The following NRG3 variants were observed in gnomAD, a reference collection of about 807,000 sequenced individuals.
NRG3 encodes pro-neuregulin-3, membrane-bound isoform.
Under a neutral mutation model 66.9 loss-of-function variants are expected in NRG3, and 31 were observed. The observed-to-expected ratio is 0.46, with a 90% confidence interval of 0.35 to 0.63. The LOEUF (loss-of-function observed/expected upper bound fraction) is 0.63. Among genes scored for constraint, NRG3 ranks in the 20% least tolerant of loss-of-function variants. The pLI is 0.00. For synonymous variants in NRG3, 393 were observed against 359.4 expected (o/e 1.09, Z -1.06); for missense variants, 910 against 878.9 (o/e 1.04, Z -0.45).
At chr10:82,660,182 G>A (rs1312353777) in intron 2 of NRG3, among the ~76,000 whole-genome samples, 1 of 59,300 alleles carries the variant, frequency 1.7e-5, no homozygotes, top group Non-Finnish European at 3.2e-5. Flanking sequence ...GGCGACAAGA[G>A]CAAAACTCCC....
chr10:82,502,626 C>G (rs1470071623), intron 2 of NRG3, among the ~76,000 whole-genome samples: 2 of 152,194 alleles, frequency 1.3e-5, no homozygotes, highest in Non-Finnish European at 2.9e-5. Flanking sequence ...CTGGAGTCTC[C>G]TGTCACCTAC....
At chr10:82,362,349 GTGTGTGTGTGTGTGT>G (rs1564839870) in intron 2 of NRG3, among the ~76,000 whole-genome samples, 1 of 121,360 alleles carries the variant, frequency 8.2e-6, no homozygotes, top group Non-Finnish European at 1.6e-5. Context: ...GTGTGTGTGT[GTGTGTGTGTGTGTGT>G]GTGTGTGTGT....
intron 1 of NRG3, among the ~76,000 whole-genome samples, chr10:81,882,568 T>C (rs1460585714): frequency 1.3e-5 from 2 of 152,172 alleles, no homozygotes; most frequent in East Asian, 1.9e-4. Context: ...TATAATGAGG[T>C]TGATGACAAT....
chr10:82,229,341 C>T (rs2076333142), intron 1 of NRG3, among the ~76,000 whole-genome samples: 2 of 152,058 alleles, frequency 1.3e-5, no homozygotes, highest in African/African-American at 2.4e-5. Flanking sequence ...AAGCAATAGA[C>T]ATTAACAAAA....
intron 1 of NRG3, among the ~76,000 whole-genome samples, chr10:82,154,949 G>A (rs559346718): frequency 6.6e-6 from 1 of 151,596 alleles, no homozygotes; most frequent in African/African-American, 2.4e-5. Flanking sequence ...ACAACTTTAG[G>A]TGAACACTTT....
chr10:82,544,347 C>A (rs2043749960), intron 2 of NRG3, among the ~76,000 whole-genome samples: 1 of 151,736 alleles, frequency 6.6e-6, no homozygotes, highest in Non-Finnish European at 1.5e-5. Context: ...TTTGTTTTTT[C>A]CCCTAAAAGT....
At chr10:82,466,973 G>A (rs1840746529) in intron 2 of NRG3, among the ~76,000 whole-genome samples, 2 of 152,116 alleles carry the variant, frequency 1.3e-5, no homozygotes, top group South Asian at 4.2e-4. Flanking sequence ...AAGGCGGGTG[G>A]ACAGGGATCC....
intron 1 of NRG3, among the ~76,000 whole-genome samples, chr10:82,184,847 A>G (rs1292966614): frequency 6.6e-6 from 1 of 152,158 alleles, no homozygotes; most frequent in Non-Finnish European, 1.5e-5. Context: ...GTCAAAATCA[A>G]CAAGGTCTGG....
In NRG3 at chr10:81,885,605, A is replaced by T. The variant is rs190537551; in HGVS notation, c.823+9442A>T. On this transcript the variant is annotated intron_variant, in intron 1 of 8. Coordinates refer to ENST00000372141, the MANE Select transcript of NRG3 (RefSeq NM_001010848.4). ...AAAATTCTCTTTTGGTTAAAGTAAA[A>T]GATAGTTGAGATTGTTACTTTTACA... is the stretch of plus-strand genomic sequence containing the variant. 2.0e-5 allele frequency among the ~76,000 whole-genome samples: 3 copies of T among 152,340 alleles called. No individual in the cohort carries two copies. The East Asian group carries it at 5.8e-4, about 29-fold the overall frequency.
At chr10:82,741,309 G>A (rs887908148) in intron 3 of NRG3, among the ~76,000 whole-genome samples, 2 of 152,126 alleles carry the variant, frequency 1.3e-5, no homozygotes, top group African/African-American at 4.8e-5. Flanking sequence ...TAGTGAGGGG[G>A]AAAAACATGT....
intron 1 of NRG3, among the ~76,000 whole-genome samples, chr10:82,076,446 T>C (rs1455515043): frequency 6.6e-6 from 1 of 152,226 alleles, no homozygotes; most frequent in Admixed American, 6.5e-5. Flanking sequence ...AGAGCATTTG[T>C]AGGATGACTC....
intron 2 of NRG3, among the ~76,000 whole-genome samples, chr10:82,736,075 AT>A (rs376977749): frequency 2.0e-4 from 31 of 152,242 alleles, no homozygotes; most frequent in African/African-American, 7.5e-4. Context: ...TATTATATGA[AT>A]TTTTTCTTAT....
intron 1 of NRG3, among the ~76,000 whole-genome samples, chr10:82,184,508 A>G (rs943827599): frequency 1.3e-5 from 2 of 152,172 alleles, no homozygotes; most frequent in Non-Finnish European, 2.9e-5. Flanking sequence ...CAAAGAAGTC[A>G]GAGGCCTTTT....
intron 1 of NRG3, among the ~76,000 whole-genome samples, chr10:82,148,572 C>T (rs1293576859): frequency 5.3e-5 from 8 of 152,080 alleles, no homozygotes; most frequent in South Asian, 4.1e-4. Flanking sequence ...GTTCTCCATA[C>T]GTGTGCATCA....
intron 1 of NRG3, among the ~76,000 whole-genome samples, chr10:82,010,750 T>C (rs563560051): frequency 9.8e-5 from 15 of 152,298 alleles, no homozygotes; most frequent in African/African-American, 3.4e-4. Context: ...TGCTGAGGGA[T>C]ATAGAGGTCT....
intron 1 of NRG3, among the ~76,000 whole-genome samples, chr10:82,181,101 A>G (rs1219599453): frequency 1.3e-5 from 2 of 151,586 alleles, no homozygotes; most frequent in African/African-American, 2.4e-5. Flanking sequence ...TGTGGCATCA[A>G]TGTCTCCTCT....
chr10:82,700,138 G>A (rs915345), intron 2 of NRG3, among the ~76,000 whole-genome samples: 79,471 of 151,934 alleles, frequency 0.52, 23,102 homozygotes, highest in East Asian at 0.65. Context: ...CAGACATTGT[G>A]AGTGAAAATT....
At chr10:82,663,806 A>G (rs1230505375) in intron 2 of NRG3, among the ~76,000 whole-genome samples, 1 of 152,244 alleles carries the variant, frequency 6.6e-6, no homozygotes, top group Non-Finnish European at 1.5e-5. Context: ...CAGGTTGGCC[A>G]TCAATAATGG....
rs73305817 is a variant in NRG3, at chr10:82,465,462, C to T, written c.953+106594C>T. 5.6e-3 allele frequency among the ~76,000 whole-genome samples: 850 copies of T among 152,322 alleles called. 7 individuals are homozygous for T. The highest frequency in any genetic ancestry group is 0.02 in the African/African-American group (825 of 41,560). On this transcript the variant is annotated intron_variant, in intron 2 of 8. Transcript: ENST00000372141. The stretch of plus-strand genomic sequence containing the variant: ...TTCGTTGACTAACAGTTTAACTTTA[C>T]AGGCTTCTCAGCTGGGAGTCCACTG...
Sources: gnomAD v4.1 joint callset for allele counts (sites outside exome capture counted in the v4.1 genomes callset) on GRCh38, gnomAD v4.1.1 for gene constraint, MANE v1.5 for transcripts, NCBI Gene and HGNC (gene_info 2026-07-23, HGNC 2026-07-21) for gene names.